ASXL3: variants seen among roughly 807,000 people sequenced by gnomAD.
ASXL3 encodes putative Polycomb group protein ASXL3.
In ASXL3, 34 loss-of-function variants were observed where a neutral mutation model predicts 170.6. The ratio of observed to expected loss-of-function variants is 0.20; its 90% CI spans 0.15 to 0.27. The LOEUF (loss-of-function observed/expected upper bound fraction) is 0.27. Ranked by LOEUF, ASXL3 falls within the 10% of genes least tolerant of loss-of-function variation. The pLI, the probability that ASXL3 is intolerant of heterozygous loss-of-function variation, is 1.00. For synonymous variants in ASXL3, 1,002 were observed against 989.1 expected (o/e 1.01, Z -0.24); for missense variants, 2,592 against 2,695.3 (o/e 0.96, Z 0.85).
At chr18:33,617,421 G>A in intron 2 of ASXL3, among the ~76,000 whole-genome samples, 1 of 152,160 alleles carries the variant, frequency 6.6e-6, no homozygotes, top group East Asian at 1.9e-4. Context: ...AACCTGGGAG[G>A]CGGAGGTTGC....
chr18:33,588,081 ATTTGC>A (rs1010750234), intron 1 of ASXL3, among the ~76,000 whole-genome samples: 1 of 151,978 alleles, frequency 6.6e-6, no homozygotes, highest in Non-Finnish European at 1.5e-5. Flanking sequence ...ATATATATAT[ATTTGC>A]TTTAAAATGT....
At chr18:33,617,933 A>G (rs892524729) in intron 2 of ASXL3, among the ~76,000 whole-genome samples, 2 of 152,068 alleles carry the variant, frequency 1.3e-5, no homozygotes. Flanking sequence ...TTTTTTTTCT[A>G]AGTGGAGCTC....
At chr18:33,651,787 G>A (rs2145212006) in intron 4 of ASXL3, among the ~76,000 whole-genome samples, 1 of 152,248 alleles carries the variant, frequency 6.6e-6, no homozygotes, top group Non-Finnish European at 1.5e-5. Flanking sequence ...GCAGAGTTAA[G>A]ATAATGATTA....
intron 2 of ASXL3, among the ~76,000 whole-genome samples, chr18:33,615,958 C>T (rs1004391121): frequency 6.6e-6 from 1 of 151,978 alleles, no homozygotes; most frequent in African/African-American, 2.4e-5. Context: ...GTTTTCTGTA[C>T]ATATTTAATT....
chr18:33,740,633 C>T (rs373120738), intron 11 of ASXL3, among the ~76,000 whole-genome samples, 190 bp downstream of exon 11: 3 of 152,072 alleles, frequency 2.0e-5, no homozygotes, highest in South Asian at 4.1e-4. Flanking sequence ...TAGATACATG[C>T]ATATGTTTAG....
intron 5 of ASXL3, among the ~76,000 whole-genome samples, chr18:33,663,378 A>G (rs983656663): frequency 3.9e-5 from 6 of 152,178 alleles, no homozygotes; most frequent in Admixed American, 1.3e-4. Flanking sequence ...ATGGAAATAT[A>G]AAGGTACAAC....
In ASXL3 at chr18:33,746,494, C is replaced by T. The variant is rs935514846; in HGVS notation, c.6646C>T (p.Arg2216Trp). The T allele has an allele frequency of 2.5e-6, 4 of 1,613,870 alleles. No homozygotes were observed. The highest frequency in any genetic ancestry group is 3.4e-6 in the Non-Finnish European group (4 of 1,179,880). ...TGAATTGGAACTGAAATGCTCTTGC[C>T]GGCTGAAAGCCATGATTGTGTGCAA... ...ADELELKCSC[R>W]LKAMIVCKGC... The change falls in exon 12 of 12, where the codon CGG becomes TGG. Residue 2216 changes from arginine (R) to tryptophan (W), a missense_variant. This residue lies in a region of ASXL3 where 22 missense variants were observed against 51.1 expected (regional missense o/e 0.43). Transcript: ENST00000269197.
chr18:33,742,330 CAT>C (rs1220636826), intron 11 of ASXL3, among the ~76,000 whole-genome samples: 6 of 152,158 alleles, frequency 3.9e-5, no homozygotes, highest in East Asian at 3.9e-4. Flanking sequence ...GCATAAAAAT[CAT>C]AGAGTTCTTG....
At chr18:33,718,219 C>T (rs769118328) in intron 8 of ASXL3, among the ~76,000 whole-genome samples, 6 of 152,082 alleles carry the variant, frequency 3.9e-5, no homozygotes, top group Non-Finnish European at 7.4e-5. Flanking sequence ...CTTTCTAATC[C>T]GTCATCTTTG....
chr18:33,646,371 C>T lies in ASXL3; in HGVS notation c.355+18C>T, dbSNP rs1180145622. The T allele has an allele frequency of 1.1e-5, 17 of 1,540,438 alleles. No individual in the cohort carries two copies. Among genetic ancestry groups the T allele is most frequent in the Non-Finnish European group, 1.4e-5 (16 of 1,118,830 alleles). ...AAATGGAGGTAAGTGTGATGAATTC[C>T]AAAATATAATCCCTTGTTCTCTTAA... On this transcript the variant is annotated intron_variant, in intron 4 of 11. Transcript: ENST00000269197.
intron 7 of ASXL3, among the ~76,000 whole-genome samples, chr18:33,681,986 G>T (rs2066522872): frequency 6.6e-6 from 1 of 151,908 alleles, no homozygotes; most frequent in Admixed American, 6.6e-5. Context: ...AGTATTATCT[G>T]GTTCTCCTTA....
intron 8 of ASXL3, among the ~76,000 whole-genome samples, chr18:33,697,445 G>C (rs537519710): frequency 5.3e-5 from 8 of 152,066 alleles, no homozygotes; most frequent in African/African-American, 1.9e-4. Context: ...GAGAGCTTCT[G>C]AGCTGGCACA....
At chr18:33,717,691 C>T (rs1368354332) in intron 8 of ASXL3, among the ~76,000 whole-genome samples, 5 of 151,944 alleles carry the variant, frequency 3.3e-5, no homozygotes, top group Non-Finnish European at 7.4e-5. Flanking sequence ...CAGAAGGATG[C>T]TTTGTGGGTT....
At chr18:33,583,189 T>A (rs1209975986) in intron 1 of ASXL3, among the ~76,000 whole-genome samples, 1 of 152,162 alleles carries the variant, frequency 6.6e-6, no homozygotes, top group African/African-American at 2.4e-5. Flanking sequence ...GGAGGGCGTG[T>A]GTACTGCCTT....
intron 8 of ASXL3, among the ~76,000 whole-genome samples, chr18:33,723,107 CAG>C (rs905026454): frequency 2.6e-5 from 4 of 152,096 alleles, no homozygotes; most frequent in African/African-American, 7.2e-5. Flanking sequence ...AAGAAGCTGA[CAG>C]AGATGTAAAA....
rs375884880 is a variant in ASXL3, at chr18:33,681,398, T to C, written c.716-2007T>C. ...GATTCTCTAAAGGATAGAGTTTCGA[T>C]TTAGGATACCAAAAACATTCTTATA... is the stretch of plus-strand genomic sequence containing the variant. On this transcript the variant is annotated intron_variant, in intron 7 of 11. Coordinates refer to ENST00000269197, the MANE Select transcript of ASXL3 (RefSeq NM_030632.3). Among the ~76,000 whole-genome samples the C allele has an allele frequency of 3.3e-5, 5 of 152,286 alleles. No individual in the cohort carries two copies. The East Asian group carries it at 7.7e-4, about 23-fold the overall frequency.
chr18:33,728,222 G>A (rs1322982288), intron 8 of ASXL3, among the ~76,000 whole-genome samples: 1 of 152,232 alleles, frequency 6.6e-6, no homozygotes, highest in East Asian at 1.9e-4. Flanking sequence ...GATGCTAAGT[G>A]TTACACCGAC....
In ASXL3 at chr18:33,686,176, T is replaced by C. The variant is rs185790893; in HGVS notation, c.879+2608T>C. The stretch of plus-strand genomic sequence containing the variant: ...TCATCCTTGAATAACACTTAGTCCA[T>C]TGAGAAACTTTTTTTATTCAGAAAT... On this transcript the variant is annotated intron_variant, in intron 8 of 11. Coordinates refer to ENST00000269197, the MANE Select transcript of ASXL3 (RefSeq NM_030632.3). 2.7e-3 allele frequency among the ~76,000 whole-genome samples: 418 copies of C among 152,316 alleles called. 5 individuals carry two copies. The highest frequency in any genetic ancestry group is 0.024 in the Middle Eastern group (7 of 294).
rs376309030 is a variant in ASXL3 at position 33,745,063 on chromosome 18, C to T, written c.5215C>T (p.Arg1739Cys). The change falls in exon 12 of 12, where the codon CGT (arginine) becomes TGT (cysteine). Residue 1739 changes from arginine to cysteine, a missense_variant. This residue lies in a region of ASXL3 where 2,246 missense variants were observed against 2,219.6 expected (regional missense o/e 1.01). Coordinates refer to ENST00000269197, the MANE Select transcript of ASXL3 (RefSeq NM_030632.3). ...CCCTGGTGCAGGGAGCTCAGGCTGTCGTCTGTCCTCTGTGGAGGCTAACAA... is the reference window on the plus strand; with the variant it reads ...CCCTGGTGCAGGGAGCTCAGGCTGTTGTCTGTCCTCTGTGGAGGCTAACAA... ...RVPGAGSSGC[R>C]LSSVEANNPL... The T allele has an allele frequency of 3.7e-6, 6 of 1,613,986 alleles. No individual in the cohort carries two copies. Among genetic ancestry groups the T allele is most frequent in the Admixed American group, 1.7e-5 (1 of 60,026 alleles).
Sources: gnomAD v4.1 joint callset for allele counts (sites outside exome capture counted in the v4.1 genomes callset) on GRCh38, gnomAD v4.1.1 for gene constraint, gnomAD v4.1.1 regional missense constraint, MANE v1.5 for transcripts, NCBI Gene and HGNC (gene_info 2026-07-23, HGNC 2026-07-21) for gene names.